The following OSBPL1A variants were observed in gnomAD, a reference collection of about 807,000 sequenced individuals.
The protein encoded by OSBPL1A is oxysterol-binding protein-related protein 1.
OSBPL1A carries 80 observed loss-of-function variants against 137.1 expected under a neutral mutation model. That is an observed-to-expected ratio of 0.58 (90% CI 0.49 to 0.70). The LOEUF is 0.70. OSBPL1A is among the 30% of genes least tolerant of loss of function. The pLI is 0.00. For missense variants in OSBPL1A, 970 were observed against 1,129.4 expected (o/e 0.86, Z 2.02); for synonymous variants, 365 against 389.7 (o/e 0.94, Z 0.75).
intron 4 of OSBPL1A, among the ~76,000 whole-genome samples, chr18:24,347,432 G>A (rs545459660): frequency 2.0e-5 from 3 of 152,264 alleles, no homozygotes; most frequent in Admixed American, 6.5e-5. Flanking sequence ...CGATCCGCCC[G>A]TCTTGGCCTC....
intron 5 of OSBPL1A, among the ~76,000 whole-genome samples, chr18:24,334,763 T>G (rs1372403204): frequency 6.6e-6 from 1 of 152,168 alleles, no homozygotes; most frequent in East Asian, 1.9e-4. Context: ...AATTGCCACA[T>G]AAAAATATAA....
At chr18:24,266,024 T>C (rs1333764808) in intron 15 of OSBPL1A, among the ~76,000 whole-genome samples, 1 of 152,180 alleles carries the variant, frequency 6.6e-6, no homozygotes, top group African/African-American at 2.4e-5. Context: ...TTTCTCCTTA[T>C]TGCATCTGAA....
Position 24,366,940 on chromosome 18 carries a change from A to AAT in OSBPL1A, c.233_234insAT (p.Asn78LysfsTer21), listed in dbSNP as rs1568057518. 28 of 1,612,740 alleles carry AAT rather than the reference A, an allele frequency of 1.7e-5. No homozygotes were observed. In the East Asian group the frequency reaches 6.0e-4, roughly 35 times the overall value. ...GATGAAGCGGCGTGTCTCCCATGTC[A>AAT]TTCAACACATTCACTTCTGCACCAG... On this transcript the variant is annotated frameshift_variant, in exon 4 of 28. Transcript: ENST00000319481. LOFTEE classifies it high-confidence loss of function.
chr18:24,366,266 G>T (rs2091700080), intron 4 of OSBPL1A: 1 of 152,144 alleles, frequency 6.6e-6, no homozygotes, highest in Non-Finnish European at 1.5e-5. Flanking sequence ...ACCTCCACGT[G>T]TTCAGCTACC....
At chr18:24,226,237 G>C (rs1049011969) in intron 16 of OSBPL1A, among the ~76,000 whole-genome samples, 3 of 152,174 alleles carry the variant, frequency 2.0e-5, no homozygotes, top group Non-Finnish European at 4.4e-5. Flanking sequence ...GGATGCTTTA[G>C]TGGAGGTGAG....
chr18:24,245,722 A>G (rs1052225561), intron 15 of OSBPL1A, among the ~76,000 whole-genome samples: 2 of 152,206 alleles, frequency 1.3e-5, no homozygotes, highest in African/African-American at 4.8e-5. Flanking sequence ...ATTATAGTAT[A>G]GTATACTCTT....
intron 18 of OSBPL1A, among the ~76,000 whole-genome samples, chr18:24,191,359 A>T (rs897058638): frequency 4.6e-5 from 7 of 152,182 alleles, no homozygotes; most frequent in Non-Finnish European, 1.0e-4. Flanking sequence ...ACATTTTTTT[A>T]AAAACCCAAA....
At chr18:24,336,010 C>T (rs772172907) in intron 5 of OSBPL1A, among the ~76,000 whole-genome samples, 3 of 152,184 alleles carry the variant, frequency 2.0e-5, no homozygotes, top group Non-Finnish European at 4.4e-5. Context: ...ATCTTTCCTC[C>T]CACTGGTTCT....
intron 21 of OSBPL1A, among the ~76,000 whole-genome samples, chr18:24,176,486 T>TGG (rs58160956): frequency 6.6e-6 from 1 of 151,064 alleles, no homozygotes; most frequent in Admixed American, 6.6e-5. Context: ...TTTTTTTTTT[T>TGG]GGCTAAAATG....
At position 24,271,823 on chromosome 18, in the gene OSBPL1A, C is replaced by A; in HGVS notation, c.1281+9019G>T. The A allele has an allele frequency of 1.0e-6, 1 of 985,434 alleles. No individual in the cohort carries two copies. Among genetic ancestry groups the A allele is most frequent in the East Asian group, 1.1e-4 (1 of 8,812 alleles). The allele number at this position is 985,434 out of a possible 1,614,324, so 61.0% of individuals were successfully genotyped here. A position where few individuals can be genotyped will look rare whatever the true frequency, so the allele number is the denominator to read the frequency against. On this transcript the variant is annotated intron_variant, in intron 15 of 27. Coordinates refer to ENST00000319481, the MANE Select transcript of OSBPL1A (RefSeq NM_080597.4). The surrounding 1 kb of genome is among the most constrained non-coding windows in gnomAD (Gnocchi z 4.0). ...CCTGCCCCTGGCTCCGGCCGGGCAG[C>A]AGCGCCAGCCTTCCCCAGCGAGGTC...
chr18:24,197,837 G>C (rs1599475860), intron 17 of OSBPL1A, among the ~76,000 whole-genome samples: 1 of 148,410 alleles, frequency 6.7e-6, no homozygotes, highest in Non-Finnish European at 1.5e-5. Context: ...GCCGAGGCTG[G>C]AGTGCAGTGG....
chr18:24,382,808 T>G (rs1906693569), intron 1 of OSBPL1A, among the ~76,000 whole-genome samples: 2 of 151,458 alleles, frequency 1.3e-5, no homozygotes, highest in Non-Finnish European at 2.9e-5. Context: ...CTCAGGAAGT[T>G]GAGACTGCAG....
At chr18:24,320,982 C>T (rs940621280) in intron 7 of OSBPL1A, among the ~76,000 whole-genome samples, 1 of 147,952 alleles carries the variant, frequency 6.8e-6, no homozygotes, top group Non-Finnish European at 1.5e-5. Context: ...GAGCTGAGAT[C>T]GCGCCATTGC....
intron 17 of OSBPL1A, among the ~76,000 whole-genome samples, chr18:24,219,019 G>A (rs1335853557): frequency 1.3e-5 from 2 of 152,026 alleles, no homozygotes; most frequent in Non-Finnish European, 2.9e-5. Context: ...GAGGCCGAGC[G>A]CAGTGGCTCA....
chr18:24,284,221 C>CT (rs2090023538), intron 14 of OSBPL1A, among the ~76,000 whole-genome samples: 1 of 134,752 alleles, frequency 7.4e-6, no homozygotes. Context: ...CATAATGTTA[C>CT]ATAAAAAAAA....
intron 23 of OSBPL1A, 44 bp downstream of exon 23, chr18:24,171,365 T>C (rs2086281660): frequency 2.1e-6 from 3 of 1,436,330 alleles, no homozygotes; most frequent in Non-Finnish European, 2.9e-6. Context: ...TTTTATCTAG[T>C]GAACAAAATC....
intron 22 of OSBPL1A, 131 bp downstream of exon 22, chr18:24,172,245 C>T: frequency 1.4e-6 from 1 of 701,766 alleles, no homozygotes; most frequent in African/African-American, 1.8e-5. Context: ...AGATATATTG[C>T]ATGATTCTTA....
chr18:24,180,888 A>C (rs748544900), intron 19 of OSBPL1A, among the ~76,000 whole-genome samples: 15 of 151,542 alleles, frequency 9.9e-5, no homozygotes, highest in East Asian at 5.8e-4. Context: ...CACACACACA[A>C]AAAAGGATTT....
intron 18 of OSBPL1A, among the ~76,000 whole-genome samples, chr18:24,191,732 A>G (rs2086896786): frequency 6.6e-6 from 1 of 152,240 alleles, no homozygotes; most frequent in Non-Finnish European, 1.5e-5. Context: ...AGAGATTAAA[A>G]CAATTGAGTT....
Sources: gnomAD v4.1 joint callset for allele counts (sites outside exome capture counted in the v4.1 genomes callset) on GRCh38, gnomAD v4.1.1 for gene constraint, Gnocchi (gnomAD v3.1) non-coding constraint, MANE v1.5 for transcripts, NCBI Gene and HGNC (gene_info 2026-07-23, HGNC 2026-07-21) for gene names.